Variants in SH3BGRL2 observed in about 807,000 individuals in gnomAD.
SH3BGRL2 encodes SH3 domain-binding glutamic acid-rich-like protein 2.
SH3BGRL2 carries 21 observed loss-of-function variants against 14.8 expected under a neutral mutation model. That is an observed-to-expected ratio of 1.42 (90% CI 1.01 to 2.05). The LOEUF (loss-of-function observed/expected upper bound fraction) is 2.05, where lower values mean the gene tolerates loss of function less well. SH3BGRL2 is among the 30% of genes most tolerant of loss of function. SH3BGRL2 has a pLI of 0.00. For synonymous variants in SH3BGRL2, 50 were observed against 47.8 expected (o/e 1.05, Z -0.19); for missense variants, 147 against 130.8 (o/e 1.12, Z -0.61).
the SH3BGRL2 span, among the ~76,000 whole-genome samples, chr6:79,581,221 C>G: frequency 2.0e-5 from 3 of 152,196 alleles, no homozygotes; most frequent in African/African-American, 4.8e-5. Context: ...TAAGGAGAAG[C>G]TGGTACCATT....
chr6:79,548,979 T>C, the SH3BGRL2 span, among the ~76,000 whole-genome samples: 3 of 152,194 alleles, frequency 2.0e-5, no homozygotes, highest in African/African-American at 7.2e-5. Flanking sequence ...GAATAAGATA[T>C]CAAGCTCATA....
the SH3BGRL2 span, among the ~76,000 whole-genome samples, chr6:79,590,332 C>T: frequency 2.0e-5 from 3 of 149,730 alleles, no homozygotes; most frequent in African/African-American, 4.9e-5. Context: ...AAGACATATG[C>T]ACTTATATGT....
the SH3BGRL2 span, among the ~76,000 whole-genome samples, chr6:79,543,663 A>G: frequency 2.6e-5 from 4 of 152,214 alleles, no homozygotes; most frequent in Non-Finnish European, 4.4e-5. Flanking sequence ...TGGAAACCCC[A>G]TATTAAAAAC....
At chr6:79,631,133 T>C, upstream of SH3BGRL2, 1 of 296,024 alleles carries the variant, frequency 3.4e-6, no homozygotes, top group South Asian at 1.6e-4. Flanking sequence ...GTGGCTCCCC[T>C]CCAGCCACCT....
chr6:79,679,999 G>A (rs1228389153), intron 2 of SH3BGRL2, among the ~76,000 whole-genome samples: 1 of 152,110 alleles, frequency 6.6e-6, no homozygotes, highest in African/African-American at 2.4e-5. Flanking sequence ...TCAGCTATCT[G>A]ATTGGCAAAT....
At chr6:79,690,095 G>A (rs1030091844) in intron 2 of SH3BGRL2, among the ~76,000 whole-genome samples, 2 of 152,010 alleles carry the variant, frequency 1.3e-5, no homozygotes, top group African/African-American at 4.8e-5. Flanking sequence ...GGGCTCAGTT[G>A]GTCCTCTCAC....
chr6:79,697,060 A>G (rs1460437795), intron 3 of SH3BGRL2, among the ~76,000 whole-genome samples: 1 of 152,176 alleles, frequency 6.6e-6, no homozygotes, highest in African/African-American at 2.4e-5. Flanking sequence ...TTTAGAAAAC[A>G]TAAAGGAGCC....
chr6:79,589,658 C>T, the SH3BGRL2 span, among the ~76,000 whole-genome samples: 4 of 151,900 alleles, frequency 2.6e-5, no homozygotes, highest in African/African-American at 7.3e-5. Flanking sequence ...AAAATGGCCA[C>T]GCTAGGTTCA....
the SH3BGRL2 span, among the ~76,000 whole-genome samples, chr6:79,543,293 A>G: frequency 6.6e-6 from 1 of 152,204 alleles, no homozygotes; most frequent in African/African-American, 2.4e-5. Flanking sequence ...GACACCTAGT[A>G]TATATTTTGC....
chr6:79,580,586 G>C, the SH3BGRL2 span, among the ~76,000 whole-genome samples: 5 of 152,154 alleles, frequency 3.3e-5, no homozygotes, highest in Admixed American at 6.6e-5. Flanking sequence ...GATGTTCTTT[G>C]AAAACAAAGA....
the SH3BGRL2 span, among the ~76,000 whole-genome samples, chr6:79,540,020 A>C: frequency 4.4e-3 from 675 of 152,306 alleles, 8 homozygotes; most frequent in African/African-American, 0.015. Flanking sequence ...GGAAATTTTA[A>C]ATTTATTAAT....
the SH3BGRL2 span, among the ~76,000 whole-genome samples, chr6:79,539,629 G>A: frequency 6.6e-6 from 1 of 152,212 alleles, no homozygotes; most frequent in Non-Finnish European, 1.5e-5. Context: ...ATATGGCAAT[G>A]ATGTAGATGT....
At chr6:79,633,428 T>A (rs989509228) in intron 1 of SH3BGRL2, among the ~76,000 whole-genome samples, 6 of 152,308 alleles carry the variant, frequency 3.9e-5, no homozygotes, top group African/African-American at 1.4e-4. Flanking sequence ...AGGTAATAGG[T>A]ATACCTATAC....
chr6:79,671,997 T>A (rs1769784548), intron 1 of SH3BGRL2, among the ~76,000 whole-genome samples: 1 of 152,234 alleles, frequency 6.6e-6, no homozygotes, highest in Non-Finnish European at 1.5e-5. Flanking sequence ...TTTACCTGTT[T>A]TGTTTTTTCA....
the SH3BGRL2 span, among the ~76,000 whole-genome samples, chr6:79,590,867 G>A: frequency 2.6e-5 from 4 of 152,064 alleles, no homozygotes; most frequent in African/African-American, 9.7e-5. Flanking sequence ...GTTCACTGTG[G>A]AATATTTTGA....
chr6:79,625,822 C>G, the SH3BGRL2 span, among the ~76,000 whole-genome samples: 1 of 152,328 alleles, frequency 6.6e-6, no homozygotes, highest in Admixed American at 6.5e-5. Flanking sequence ...GTTAAACCAG[C>G]TGCCTAAGGT....
chr6:79,577,359 G>C, the SH3BGRL2 span, among the ~76,000 whole-genome samples: 24 of 152,162 alleles, frequency 1.6e-4, no homozygotes, highest in Non-Finnish European at 3.1e-4. Flanking sequence ...TTGGCACAAT[G>C]AGCTATTTAA....
chr6:79,668,521 G>C (rs1048943319), intron 1 of SH3BGRL2, among the ~76,000 whole-genome samples: 4 of 152,060 alleles, frequency 2.6e-5, no homozygotes, highest in African/African-American at 9.7e-5. Flanking sequence ...AAGGGTAAAG[G>C]CTTATCCATT....
chr6:79,552,912 T>C, the SH3BGRL2 span: 1 of 152,220 alleles, frequency 6.6e-6, no homozygotes, highest in Non-Finnish European at 1.5e-5. Context: ...GTTCTCATCA[T>C]GCTAAACAGT....
Sources: gnomAD v4.1 joint callset for allele counts (sites outside exome capture counted in the v4.1 genomes callset) on GRCh38, gnomAD v4.1.1 for gene constraint, MANE v1.5 for transcripts, NCBI Gene and HGNC (gene_info 2026-07-23, HGNC 2026-07-21) for gene names.